The following KIAA1755 variants were observed in gnomAD, a reference collection of about 807,000 sequenced individuals.
KIAA1755 encodes uncharacterized protein KIAA1755.
In KIAA1755, 68 loss-of-function variants were observed where a neutral mutation model predicts 91.7. The ratio of observed to expected loss-of-function variants is 0.74; its 90% CI spans 0.61 to 0.91. KIAA1755 has a LOEUF of 0.91. KIAA1755 is among the 40% of genes least tolerant of loss of function. The pLI is 0.00. For synonymous variants in KIAA1755, 610 were observed against 604.6 expected (o/e 1.01, Z -0.13); for missense variants, 1,535 against 1,494.4 (o/e 1.03, Z -0.45).
At chr20:38,229,774 C>T (rs908186012) in intron 5 of KIAA1755, among the ~76,000 whole-genome samples, 6 of 152,260 alleles carry the variant, frequency 3.9e-5, no homozygotes, top group African/African-American at 1.4e-4. Context: ...TTTATTCAGG[C>T]GAGCCTTGGG....
At chr20:38,219,508 G>A (rs552539492) in intron 11 of KIAA1755, 122 bp downstream of exon 11, 13 of 1,352,020 alleles carry the variant, frequency 9.6e-6, no homozygotes, top group East Asian at 4.6e-5. Flanking sequence ...TTGAAGGATC[G>A]CCAGCTTGGT....
At chr20:38,226,238 C>T (rs2075754717) in intron 7 of KIAA1755, among the ~76,000 whole-genome samples, 2 of 152,326 alleles carry the variant, frequency 1.3e-5, no homozygotes, top group South Asian at 4.1e-4. Flanking sequence ...ACAGTGTCCT[C>T]TAAGACATGG....
rs1181471963 is a variant in KIAA1755 at position 38,210,959 on chromosome 20, G to A, written c.*2083C>T. ...AGAATCAAACCTGGCTTTGGGTGGA[G>A]GACTCAGGCCCCAGCCCCGGGTGTT... On this transcript the variant is annotated 3_prime_UTR_variant, in exon 14 of 14. Coordinates refer to ENST00000279024, the MANE Select transcript of KIAA1755 (RefSeq NM_001029864.2). 1 of 152,290 alleles carries A rather than the reference G, an allele frequency of 6.6e-6. No individual in the cohort carries two copies. The highest frequency in any genetic ancestry group is 1.5e-5 in the Non-Finnish European group (1 of 68,100). 9.4% of individuals were successfully genotyped at this position (152,290 alleles called of 1,614,324 possible).
At position 38,240,938 on chromosome 20, in the gene KIAA1755, G is replaced by A; in HGVS notation, c.1193C>T (p.Ser398Phe). 1.2e-6 allele frequency: 2 copies of A among 1,614,032 alleles called. No individual in the cohort carries two copies. The highest frequency in any genetic ancestry group is 8.5e-7 in the Non-Finnish European group (1 of 1,179,956). ...GTTTCCTAGAGGTCCCTGCATCTTG[G>A]AGGCAGCTGGCTCTTGTGAGACACC... ...RAGVSQEPAA[S>F]KMQGPLGNPE... Residue 398 changes from serine to phenylalanine, a missense_variant, in exon 3 of 14, where the codon TCC becomes TTC. Ser to Phe is a radical substitution (Grantham distance 155). Transcript: ENST00000279024.
At chr20:38,246,171 G>T in intron 1 of KIAA1755, 45 bp from the exon 2 acceptor site, 1 of 1,529,450 alleles carries the variant, frequency 6.5e-7, no homozygotes. Context: ...ATGATAATAA[G>T]GGCAGAGACC....
Position 38,241,602 on chromosome 20 carries a change from G to A in KIAA1755, c.529C>T (p.Pro177Ser). Residue 177 changes from proline to serine, a missense_variant, in exon 3 of 14, where the codon CCT becomes TCT. Coordinates refer to ENST00000279024, the MANE Select transcript of KIAA1755 (RefSeq NM_001029864.2). ...VASENGIAPV[P>S]WTKITSPEFV... ...TCTGGGCTGGTTATCTTGGTCCAAGGCACAGGGGCAATCCCATTTTCTGAT... is the reference window on the plus strand; with the variant it reads ...TCTGGGCTGGTTATCTTGGTCCAAGACACAGGGGCAATCCCATTTTCTGAT... 3 of 1,614,238 alleles carry A rather than the reference G, an allele frequency of 1.9e-6. No individual in the cohort carries two copies. Among genetic ancestry groups the A allele is most frequent in the Non-Finnish European group, 1.7e-6 (2 of 1,180,050 alleles).
intron 12 of KIAA1755, chr20:38,217,972 G>A: frequency 4.1e-6 from 2 of 490,446 alleles, no homozygotes; most frequent in Middle Eastern, 5.4e-4. Flanking sequence ...GCTCTGTGAG[G>A]CTGAGTTATT....
intron 11 of KIAA1755, among the ~76,000 whole-genome samples, chr20:38,218,728 G>GGTGT (rs377110880): frequency 6.6e-6 from 1 of 151,994 alleles, no homozygotes; most frequent in Admixed American, 6.6e-5. Flanking sequence ...TCCCTGTTCG[G>GGTGT]GTGTGTGTGT....
At chr20:38,254,701 G>A (rs192042042) in intron 1 of KIAA1755, among the ~76,000 whole-genome samples, 17 of 151,916 alleles carry the variant, frequency 1.1e-4, no homozygotes, top group African/African-American at 3.6e-4. Context: ...CAGAAGGATC[G>A]CTTAAGCCCA....
chr20:38,228,448 C>T (rs2075799929), intron 5 of KIAA1755, among the ~76,000 whole-genome samples: 1 of 152,222 alleles, frequency 6.6e-6, no homozygotes, highest in South Asian at 2.1e-4. Flanking sequence ...TTTGGTGCTC[C>T]TGCAAGACCT....
Position 38,213,505 on chromosome 20 carries a change from A to G in KIAA1755, c.3140T>C (p.Leu1047Pro), listed in dbSNP as rs1490874688. Residue 1047 changes from leucine (L) to proline (P), a missense_variant, in exon 14 of 14, where the codon CTC (leucine) becomes CCC (proline). Transcript: ENST00000279024. Reference sequence around the variant, plus strand: ...GCTGTGGGTCAGTGCCTTCTCCAGGAGCATCCGGATCTCCTCATGCCTGAT... The same window carrying G: ...GCTGTGGGTCAGTGCCTTCTCCAGGGGCATCCGGATCTCCTCATGCCTGAT... ...ARIRHEEIRM[L>P]LEKALTHSSC... 1 of 1,610,008 alleles carries G rather than the reference A, an allele frequency of 6.2e-7. No homozygotes were observed. Among genetic ancestry groups the G allele is most frequent in the African/African-American group, 1.3e-5 (1 of 75,012 alleles).
Position 38,228,164 on chromosome 20 carries a change from C to T in KIAA1755, c.1948G>A (p.Ala650Thr), listed in dbSNP as rs1455198884. ...CCACTCACCTGGGTGGCCTGCAGGG[C>T]GCTGACCAGACCGGGCTGTGGGGGC... ...RQPPQPGLVS[A>T]LQATQAQVPA... is the part of the protein sequence containing the mutation. The change falls in exon 6 of 14, where the codon GCC becomes ACC. Residue 650 changes from alanine (A) to threonine (T), a missense_variant. Coordinates refer to ENST00000279024, the MANE Select transcript of KIAA1755 (RefSeq NM_001029864.2). 1.2e-6 allele frequency: 2 copies of T among 1,604,534 alleles called. No homozygotes were observed. Among genetic ancestry groups the T allele is most frequent in the Admixed American group, 3.4e-5 (2 of 58,850 alleles).
At chr20:38,235,180 T>A (rs1205152066) in intron 4 of KIAA1755, among the ~76,000 whole-genome samples, 1 of 152,216 alleles carries the variant, frequency 6.6e-6, no homozygotes, top group Non-Finnish European at 1.5e-5. Flanking sequence ...ATAGAAATTT[T>A]AAAGGCAAAA....
chr20:38,248,735 G>A (rs953778359), intron 1 of KIAA1755, among the ~76,000 whole-genome samples: 1 of 150,492 alleles, frequency 6.6e-6, no homozygotes, highest in African/African-American at 2.4e-5. Flanking sequence ...GTCTTGCTCT[G>A]TTGCCCAGGC....
At chr20:38,258,838 T>C (rs2076385324) in intron 1 of KIAA1755, among the ~76,000 whole-genome samples, 1 of 152,180 alleles carries the variant, frequency 6.6e-6, no homozygotes, top group Admixed American at 6.5e-5. Flanking sequence ...TTGTTCCCAA[T>C]CTGGAAAGAG....
chr20:38,223,506 T>G, intron 9 of KIAA1755, 32 bp downstream of exon 9: 1 of 1,499,184 alleles, frequency 6.7e-7, no homozygotes. Context: ...GGGTGTGATG[T>G]AGCTTCCCCA....
At chr20:38,234,088 T>C (rs2075915275) in intron 4 of KIAA1755, among the ~76,000 whole-genome samples, 1 of 152,246 alleles carries the variant, frequency 6.6e-6, no homozygotes, top group Admixed American at 6.5e-5. Context: ...AACACCTTGA[T>C]CTTGGACTTC....
Position 38,213,315 on chromosome 20 carries a change from A to G in KIAA1755, c.3330T>C (p.Pro1110=). Residue 1110 remains proline (P), a synonymous_variant, in exon 14 of 14, where the codon CCT becomes CCC. Transcript: ENST00000279024. Reference sequence around the variant, plus strand: ...TGTTCTGTTCCCCTCTGGGGGGCCCAGGAGGCCAATAGGACTTTGGCAAAT... The same window carrying G: ...TGTTCTGTTCCCCTCTGGGGGGCCCGGGAGGCCAATAGGACTTTGGCAAAT... ...MDHLPKSYWP[P]GPPRGEQNRT... 8.7e-6 allele frequency: 14 copies of G among 1,613,526 alleles called. No homozygotes were observed. The highest frequency in any genetic ancestry group is 1.2e-5 in the Non-Finnish European group (14 of 1,179,722).
intron 1 of KIAA1755, among the ~76,000 whole-genome samples, chr20:38,259,546 AGAGT>A (rs2076402373): frequency 1.3e-5 from 2 of 149,224 alleles, no homozygotes; most frequent in South Asian, 4.2e-4. Flanking sequence ...AGAGAGAGAG[AGAGT>A]ATGAACACCT....
Sources: gnomAD v4.1 joint callset for allele counts (sites outside exome capture counted in the v4.1 genomes callset) on GRCh38, gnomAD v4.1.1 for gene constraint, MANE v1.5 for transcripts, NCBI Gene and HGNC (gene_info 2026-07-23, HGNC 2026-07-21) for gene names.